Variants in GNG7 observed in about 807,000 individuals in gnomAD.
The protein encoded by GNG7 is G protein subunit gamma 7.
In GNG7, 1 loss-of-function variant was observed where a neutral mutation model predicts 4.0. The observed-to-expected ratio is 0.25, with a 90% CI of 0.09 to 1.18. The LOEUF is 1.18. Among genes scored for constraint, GNG7 ranks in the 50% most tolerant of loss-of-function variants. GNG7 has a pLI of 0.50. For missense variants in GNG7, 86 were observed against 91.9 expected (o/e 0.94, Z 0.26); for synonymous variants, 34 against 36.9 (o/e 0.92, Z 0.29).
intron 2 of GNG7, among the ~76,000 whole-genome samples, chr19:2,613,286 TA>T (rs1158662396): frequency 3.3e-5 from 5 of 152,180 alleles, no homozygotes; most frequent in Admixed American, 6.5e-5. Flanking sequence ...AATTAACACA[TA>T]GGGGGGCTTT....
At chr19:2,606,611 T>C (rs1346003903) in intron 2 of GNG7, among the ~76,000 whole-genome samples, 3 of 150,596 alleles carry the variant, frequency 2.0e-5, no homozygotes, top group Non-Finnish European at 3.0e-5. Context: ...GCCAAGATTG[T>C]GCCACTGCAC....
intron 1 of GNG7, among the ~76,000 whole-genome samples, chr19:2,658,671 C>T (rs1297612285): frequency 6.6e-6 from 1 of 152,204 alleles, no homozygotes; most frequent in Non-Finnish European, 1.5e-5. Flanking sequence ...TGCAAAAGGA[C>T]AAATCCTGTG....
At chr19:2,629,671 G>C (rs1217173699) in intron 2 of GNG7, among the ~76,000 whole-genome samples, 1 of 152,114 alleles carries the variant, frequency 6.6e-6, no homozygotes, top group African/African-American at 2.4e-5. Context: ...GGGGGCACAC[G>C]GTGATTGGAA....
chr19:2,560,630 T>C (rs2907336), intron 2 of GNG7, among the ~76,000 whole-genome samples: 11,531 of 151,996 alleles, frequency 0.076, 330 homozygotes, highest in African/African-American at 0.1. Flanking sequence ...CCAGCCCCGA[T>C]GTCCACAGGG....
chr19:2,696,298 G>C (rs975414804), intron 1 of GNG7, among the ~76,000 whole-genome samples: 1 of 90,912 alleles, frequency 1.1e-5, no homozygotes, highest in Non-Finnish European at 2.3e-5. Flanking sequence ...GAGAGAGAAA[G>C]AAAGAAAGAA....
intron 2 of GNG7, among the ~76,000 whole-genome samples, chr19:2,587,924 G>A (rs1275987090): frequency 6.7e-6 from 1 of 150,340 alleles, no homozygotes; most frequent in Non-Finnish European, 1.5e-5. Context: ...AGAGAGAGAA[G>A]GAAGGAAGGA....
At chr19:2,574,714 CTG>C (rs761526404) in intron 2 of GNG7, among the ~76,000 whole-genome samples, 60 of 152,162 alleles carry the variant, frequency 3.9e-4, no homozygotes, top group Non-Finnish European at 7.2e-4. Context: ...TCAGTCCCTG[CTG>C]TCAGTTCTGT....
intron 3 of GNG7, among the ~76,000 whole-genome samples, chr19:2,554,664 C>A (rs1448240855): frequency 6.6e-6 from 1 of 151,564 alleles, no homozygotes; most frequent in Non-Finnish European, 1.5e-5. Flanking sequence ...AAGCGATTCT[C>A]CTGCCTCAGC....
chr19:2,636,075 G>C (rs1328755703), intron 2 of GNG7, among the ~76,000 whole-genome samples: 4 of 152,142 alleles, frequency 2.6e-5, no homozygotes, highest in Admixed American at 1.3e-4. Context: ...CAGGGGGAGA[G>C]AGACCCTGTG....
rs375441550 is a variant in GNG7, at chr19:2,618,163, G to A, written c.-78+28061C>T. On this transcript the variant is annotated intron_variant, in intron 2 of 4. Transcript: ENST00000382159. The surrounding 1 kb of genome is among the most constrained non-coding windows in gnomAD (Gnocchi z 5.1). ...CTGTCCCTGGCACACAGTGAGTGTCGGGTCAATATTTGCGACTGACCGACG... is the reference window on the plus strand; with the variant it reads ...CTGTCCCTGGCACACAGTGAGTGTCAGGTCAATATTTGCGACTGACCGACG... Among the ~76,000 whole-genome samples the A allele has an allele frequency of 1.1e-4, 17 of 152,202 alleles. No individual in the cohort carries two copies. The highest frequency in any genetic ancestry group is 3.1e-4 in the African/African-American group (13 of 41,514).
intron 1 of GNG7, among the ~76,000 whole-genome samples, chr19:2,661,270 A>AAAG (rs1568277669): frequency 0.029 from 2,074 of 70,852 alleles, 170 homozygotes; most frequent in East Asian, 0.063. Context: ...AGAAAGAAAG[A>AAAG]AAAGAAAGAA....
chr19:2,516,388 C>A (rs1568228626), intron 4 of GNG7, among the ~76,000 whole-genome samples: 1 of 151,968 alleles, frequency 6.6e-6, no homozygotes, highest in African/African-American at 2.4e-5. Context: ...CCACGCCCAG[C>A]TAATTTTTGT....
At chr19:2,647,521 G>A (rs1024959966) in intron 1 of GNG7, among the ~76,000 whole-genome samples, 7 of 151,988 alleles carry the variant, frequency 4.6e-5, no homozygotes, top group Non-Finnish European at 8.8e-5. Context: ...CCAGCGAGTC[G>A]CCCCATCTCT....
In GNG7 at chr19:2,634,887, CA is replaced by C. The variant is rs202100769; in HGVS notation, c.-78+11336del. 0.02 allele frequency among the ~76,000 whole-genome samples: 2,795 copies of C among 137,414 alleles called. 35 individuals are homozygous for C. The highest frequency in any genetic ancestry group is 0.047 in the Middle Eastern group (13 of 274). 90.1% of individuals were successfully genotyped at this position (137,414 alleles called of 152,430 possible). On this transcript the variant is annotated intron_variant, in intron 2 of 4. Transcript: ENST00000382159. The surrounding 1 kb of genome is among the most constrained non-coding windows in gnomAD (Gnocchi z 5.3). ...GTAAAGCTCTCAGCAGAAATGTTAC[CA>C]AAAAAAAAAAACCCTCGCCGGGAGA... is the stretch of plus-strand genomic sequence containing the variant.
chr19:2,644,645 T>G (rs1170729802), intron 2 of GNG7, among the ~76,000 whole-genome samples: 5 of 151,952 alleles, frequency 3.3e-5, no homozygotes, highest in Admixed American at 3.3e-4. Flanking sequence ...CCTCCCAGTC[T>G]CGGCACCCAC....
At chr19:2,575,722 G>GACACAGGC (rs1307088459) in intron 2 of GNG7, among the ~76,000 whole-genome samples, 2 of 59,658 alleles carry the variant, frequency 3.4e-5, no homozygotes, top group African/African-American at 2.5e-4. Flanking sequence ...GGCACACGCA[G>GACACAGGC]ACACGCAGGC....
At chr19:2,678,343 T>G (rs1983645748) in intron 1 of GNG7, among the ~76,000 whole-genome samples, 1 of 152,188 alleles carries the variant, frequency 6.6e-6, no homozygotes, top group Non-Finnish European at 1.5e-5. Context: ...TTCTGGAAAC[T>G]TCCAGAATTT....
intron 1 of GNG7, among the ~76,000 whole-genome samples, chr19:2,693,272 T>C (rs1196566642): frequency 6.6e-6 from 1 of 151,236 alleles, no homozygotes; most frequent in Non-Finnish European, 1.5e-5. Context: ...AAAAATTAGC[T>C]GGGCATAGTG....
At chr19:2,591,893 T>A (rs1980860345) in intron 2 of GNG7, among the ~76,000 whole-genome samples, 1 of 152,168 alleles carries the variant, frequency 6.6e-6, no homozygotes, top group South Asian at 2.1e-4. Context: ...AGACACTAAT[T>A]TCACATAACT....
Sources: allele counts gnomAD v4.1 joint callset (sites outside exome capture counted in the v4.1 genomes callset), GRCh38; gene constraint gnomAD v4.1.1; non-coding constraint Gnocchi (gnomAD v3.1); transcripts MANE v1.5; gene names NCBI Gene and HGNC (gene_info 2026-07-23, HGNC 2026-07-21).